The following SLIT3 variants were observed in gnomAD, a reference collection of about 807,000 sequenced individuals.
SLIT3 encodes slit homolog 3 protein.
In SLIT3, 68 loss-of-function variants were observed where a neutral mutation model predicts 184.0. The observed-to-expected ratio is 0.37, with a 90% CI of 0.30 to 0.45. SLIT3 has a LOEUF of 0.45. Among genes scored for constraint, SLIT3 ranks in the 20% least tolerant of loss-of-function variants. The pLI is 1.00. For synonymous variants in SLIT3, 831 were observed against 828.6 expected, an observed-to-expected ratio of 1.00 and a Z score of -0.05; for missense variants, 1,707 against 2,026.0, an observed-to-expected ratio of 0.84 and a Z score of 3.02.
chr5:168,674,681 G>A (rs1004364745), intron 32 of SLIT3, among the ~76,000 whole-genome samples: 1 of 151,764 alleles, frequency 6.6e-6, no homozygotes. Flanking sequence ...AGTAGAGATG[G>A]GGTTTTCACC....
chr5:168,803,937 G>A (rs1396824358), intron 9 of SLIT3, among the ~76,000 whole-genome samples: 6 of 151,908 alleles, frequency 3.9e-5, no homozygotes, highest in African/African-American at 1.5e-4. Context: ...GGTGGGCAGA[G>A]TGGGGAAGAG....
At position 168,709,101 on chromosome 5, in the gene SLIT3, G is replaced by T. The variant is rs1490895732; in HGVS notation, c.2720-1001C>A. On this transcript the variant is annotated intron_variant, in intron 25 of 35. Transcript: ENST00000519560. The stretch of plus-strand genomic sequence containing the variant: ...CCAGCTACAGTGTTGTTTTCTGTTT[G>T]TTTTTTTTTTTTTTTGAGATGGAGT... Among the ~76,000 whole-genome samples, 29 of 126,982 alleles carry T rather than the reference G, an allele frequency of 2.3e-4. 1 individual carries two copies. The South Asian group carries it at 2.4e-3, about 11-fold the overall frequency. 83.3% of individuals were successfully genotyped at this position (126,982 alleles called of 152,430 possible). A position where few individuals can be genotyped will look rare whatever the true frequency, so the allele number is the denominator to read the frequency against.
intron 5 of SLIT3, among the ~76,000 whole-genome samples, chr5:168,862,010 C>A (rs895588391): frequency 6.6e-6 from 1 of 152,158 alleles, no homozygotes; most frequent in South Asian, 2.1e-4. Flanking sequence ...CTACAAGACA[C>A]CAACACTGTC....
intron 10 of SLIT3, among the ~76,000 whole-genome samples, chr5:168,793,775 A>C (rs1756467532): frequency 7.1e-6 from 1 of 140,358 alleles, no homozygotes; most frequent in Admixed American, 7.5e-5. Context: ...TGGCTGCATA[A>C]TCAAGCTGAG....
intron 5 of SLIT3, among the ~76,000 whole-genome samples, chr5:168,871,922 A>T (rs7726430): frequency 0.16 from 23,929 of 152,134 alleles, 2,084 homozygotes; most frequent in African/African-American, 0.24. Flanking sequence ...GCACTTCACC[A>T]TTATGTCAAC....
At chr5:169,266,130 C>A (rs1200779058) in intron 1 of SLIT3, among the ~76,000 whole-genome samples, 1 of 152,126 alleles carries the variant, frequency 6.6e-6, no homozygotes, top group African/African-American at 2.4e-5. Flanking sequence ...AATCTCAAAC[C>A]CTTCCAAACT....
At chr5:168,844,187 C>T (rs372177615) in intron 6 of SLIT3, among the ~76,000 whole-genome samples, 4 of 152,128 alleles carry the variant, frequency 2.6e-5, no homozygotes, top group South Asian at 2.1e-4. Flanking sequence ...GCCCCAACCC[C>T]GGCCCCTGTC....
At chr5:168,685,064 C>T (rs576978873) in intron 31 of SLIT3, among the ~76,000 whole-genome samples, 4 of 152,300 alleles carry the variant, frequency 2.6e-5, no homozygotes, top group African/African-American at 9.6e-5. Flanking sequence ...GATTCTCATG[C>T]CTCCGCCTCC....
chr5:168,977,878 G>C (rs10076632), intron 4 of SLIT3, among the ~76,000 whole-genome samples: 15,432 of 152,086 alleles, frequency 0.1, 1,225 homozygotes, highest in African/African-American at 0.22. Context: ...GAAGAGGGAG[G>C]GGCTACAGAT....
At chr5:168,692,765 A>G (rs1400766367) in intron 28 of SLIT3, 65 bp from the exon 29 acceptor site, 4 of 1,171,114 alleles carry the variant, frequency 3.4e-6, no homozygotes, top group South Asian at 1.3e-5. Context: ...CCAGAAGATC[A>G]GAGTACTAGG....
intron 1 of SLIT3, among the ~76,000 whole-genome samples, chr5:169,299,545 A>C (rs73321512): frequency 0.02 from 3,049 of 152,174 alleles, 105 homozygotes; most frequent in African/African-American, 0.07. Context: ...GTTCCCAGTA[A>C]GGCTTCCCAC....
intron 3 of SLIT3, among the ~76,000 whole-genome samples, chr5:169,222,235 G>A (rs887775806): frequency 6.6e-6 from 1 of 152,006 alleles, no homozygotes. Context: ...TTACTTAAAT[G>A]TCTGCTATAT....
chr5:169,233,415 T>C (rs1480758810), intron 3 of SLIT3, among the ~76,000 whole-genome samples: 1 of 151,768 alleles, frequency 6.6e-6, no homozygotes, highest in Admixed American at 6.6e-5. Flanking sequence ...TTTTTTTTTT[T>C]TTTTGGTGTA....
At chr5:169,212,440 T>A (rs1176483837) in intron 3 of SLIT3, among the ~76,000 whole-genome samples, 1 of 151,278 alleles carries the variant, frequency 6.6e-6, no homozygotes, top group Non-Finnish European at 1.5e-5. Flanking sequence ...TCTGTTCATA[T>A]CCTTTGCCCA....
At chr5:168,902,524 A>G (rs911326392) in intron 4 of SLIT3, among the ~76,000 whole-genome samples, 8 of 152,204 alleles carry the variant, frequency 5.3e-5, no homozygotes, top group Non-Finnish European at 1.2e-4. Flanking sequence ...GGAATTATGC[A>G]AGGGAAGGGT....
At chr5:169,104,664 T>C (rs1283511447) in intron 4 of SLIT3, among the ~76,000 whole-genome samples, 2 of 152,068 alleles carry the variant, frequency 1.3e-5, no homozygotes, top group Non-Finnish European at 2.9e-5. Context: ...TGAGCTTTGG[T>C]GATTTTTTCT....
intron 23 of SLIT3, among the ~76,000 whole-genome samples, chr5:168,714,944 G>T (rs1762673027): frequency 6.6e-6 from 1 of 152,342 alleles, no homozygotes; most frequent in Non-Finnish European, 1.5e-5. Flanking sequence ...CAACATTAGG[G>T]CATAACCATT....
chr5:168,708,197 C>T, intron 25 of SLIT3, 97 bp from the exon 26 acceptor site: 2 of 1,548,942 alleles, frequency 1.3e-6, no homozygotes, highest in East Asian at 4.6e-5. Context: ...CAGCCAGCGC[C>T]AGCCCCTTCC....
intron 4 of SLIT3, among the ~76,000 whole-genome samples, chr5:169,177,855 G>A (rs1763031849): frequency 6.6e-6 from 1 of 152,096 alleles, no homozygotes; most frequent in Admixed American, 6.6e-5. Context: ...CCTTCCTTTG[G>A]ATGGCACTGC....
Sources: gnomAD v4.1 joint callset for allele counts (sites outside exome capture counted in the v4.1 genomes callset) on GRCh38, gnomAD v4.1.1 for gene constraint, MANE v1.5 for transcripts, NCBI Gene and HGNC (gene_info 2026-07-23, HGNC 2026-07-21) for gene names.